Variants in AHDC1 observed in about 807,000 individuals in gnomAD.
AHDC1 encodes the protein AT-hook DNA binding motif containing 1, also known as transcription factor Gibbin.
AHDC1 carries 7 observed loss-of-function variants against 87.9 expected under a neutral mutation model. The ratio of observed to expected loss-of-function variants is 0.08; its 90% CI spans 0.05 to 0.15. The LOEUF (loss-of-function observed/expected upper bound fraction) is 0.15, where lower values mean the gene tolerates loss of function less well. Among genes scored for constraint, AHDC1 ranks in the 10% least tolerant of loss-of-function variants. The pLI, the probability that AHDC1 is intolerant of heterozygous loss-of-function variation, is 1.00. For synonymous variants in AHDC1, 1,051 were observed against 1,006.8 expected, an observed-to-expected ratio of 1.04 and a Z score of -0.83; for missense variants, 1,841 against 2,253.2, an observed-to-expected ratio of 0.82 and a Z score of 3.70.
intron 8 of AHDC1, among the ~76,000 whole-genome samples, chr1:27,535,768 T>C (rs2018611075): frequency 6.6e-6 from 1 of 152,022 alleles, no homozygotes; most frequent in Non-Finnish European, 1.5e-5. Context: ...ACACTCGAGA[T>C]TGGAAGTACC....
At chr1:27,601,256 G>A (rs908110978) in intron 3 of AHDC1, among the ~76,000 whole-genome samples, 1 of 152,232 alleles carries the variant, frequency 6.6e-6, no homozygotes, top group African/African-American at 2.4e-5. Context: ...CGTGGGCTGG[G>A]AGCCCAGGCG....
chr1:27,566,520 C>T (rs1363753683), intron 3 of AHDC1, among the ~76,000 whole-genome samples: 1 of 151,678 alleles, frequency 6.6e-6, no homozygotes, highest in Non-Finnish European at 1.5e-5. Context: ...CACCAGCGAC[C>T]CGGGAGCTGG....
chr1:27,597,164 G>C (rs1230670582), intron 3 of AHDC1, among the ~76,000 whole-genome samples: 2 of 152,310 alleles, frequency 1.3e-5, no homozygotes, highest in Admixed American at 1.3e-4. Context: ...GCAGGTGGCA[G>C]GGGGAGGTTC....
chr1:27,600,572 G>A (rs1173853829), intron 3 of AHDC1, among the ~76,000 whole-genome samples: 1 of 152,164 alleles, frequency 6.6e-6, no homozygotes, highest in Non-Finnish European at 1.5e-5. Context: ...GTCCAATGGG[G>A]AACAGAAGCA....
At position 27,549,787 on chromosome 1, in the gene AHDC1, C is replaced by A; in HGVS notation, c.2329G>T (p.Ala777Ser). The A allele has an allele frequency of 3.1e-6, 5 of 1,613,384 alleles. No homozygotes were observed. The highest frequency in any genetic ancestry group is 3.4e-6 in the Non-Finnish European group (4 of 1,179,962). The change falls in exon 8 of 9, where the codon GCC becomes TCC. Residue 777 changes from alanine to serine, a missense_variant. By Grantham distance (99) the Ala-to-Ser change is moderately conservative. Around this residue, in one of 13 missense-constraint regions of AHDC1, gnomAD observed 236 missense variants for 257.9 expected, o/e 0.92. Transcript: ENST00000673934. Reference sequence around the variant, plus strand: ...CCGCCTGGGTGCCCATGGTGAGGGGCCCAGCCACCACCCTTATCCCCGGCC... The same window carrying A: ...CCGCCTGGGTGCCCATGGTGAGGGGACCAGCCACCACCCTTATCCCCGGCC... Reference protein sequence around the residue: ...EWAGDKGGGWAPHHGHPGGQA... With the variant: ...EWAGDKGGGWSPHHGHPGGQA...
Position 27,560,163 on chromosome 1 carries a change from TG to T in AHDC1, c.-628-1281del, listed in dbSNP as rs1484204157. 1.3e-5 allele frequency among the ~76,000 whole-genome samples: 2 copies of T among 151,866 alleles called. No individual in the cohort carries two copies. The highest frequency in any genetic ancestry group is 3.9e-4 in the East Asian group (2 of 5,184). ...GATTTGGTGTCTTCAGTCATACATGTGGGTATGTGCACTTTTCACGTTTATT... is the reference window on the plus strand; with the variant it reads ...GATTTGGTGTCTTCAGTCATACATGTGGTATGTGCACTTTTCACGTTTATT... On this transcript the variant is annotated intron_variant, in intron 3 of 8. Coordinates refer to ENST00000673934, the MANE Select transcript of AHDC1 (RefSeq NM_001371928.1). This position sits in a 1 kb window ranked among gnomAD's most constrained non-coding sequence, Gnocchi z 4.1.
At chr1:27,543,491 T>C (rs1249800604) in intron 8 of AHDC1, among the ~76,000 whole-genome samples, 1 of 152,206 alleles carries the variant, frequency 6.6e-6, no homozygotes, top group East Asian at 1.9e-4. Flanking sequence ...CTAATCCACA[T>C]TGGGATGTGA....
Position 27,562,897 on chromosome 1 carries a change from G to A in AHDC1, c.-628-4014C>T, listed in dbSNP as rs1330471874. Among the ~76,000 whole-genome samples the A allele has an allele frequency of 6.6e-6, 1 of 152,070 alleles. No homozygotes were observed. The highest frequency in any genetic ancestry group is 1.5e-5 in the Non-Finnish European group (1 of 68,002). On this transcript the variant is annotated intron_variant, in intron 3 of 8. Transcript: ENST00000673934. This position sits in a 1 kb window ranked among gnomAD's most constrained non-coding sequence, Gnocchi z 4.4. Reference sequence around the variant, plus strand: ...ATGGTGACATCTCACACACACAACAGCCAGAGACAGGCGCACAAGTTGGTG... The same window carrying A: ...ATGGTGACATCTCACACACACAACAACCAGAGACAGGCGCACAAGTTGGTG...
Position 27,550,778 on chromosome 1 carries a change from G to A in AHDC1, c.1338C>T (p.Val446=), listed in dbSNP as rs1571240004. 1 of 1,570,568 alleles carries A rather than the reference G, an allele frequency of 6.4e-7. No individual in the cohort carries two copies. The highest frequency in any genetic ancestry group is 1.4e-5 in the African/African-American group (1 of 73,962). ...PPPALPGPGP[V]SVPELKPESS... is the part of the protein sequence containing the mutation. ...ATTCCGGCTTCAACTCTGGGACTGAGACCGGGCCTGGGCCTGGCAGGGCAG... is the reference window on the plus strand; with the variant it reads ...ATTCCGGCTTCAACTCTGGGACTGAAACCGGGCCTGGGCCTGGCAGGGCAG... Residue 446 remains valine, a synonymous_variant, in exon 8 of 9, where the codon GTC becomes GTT. Transcript: ENST00000673934.
rs1331591263 is a variant in AHDC1, at chr1:27,552,072, A to C, written c.44T>G (p.Val15Gly). 1.3e-6 allele frequency: 2 copies of C among 1,496,026 alleles called. No individual in the cohort carries two copies. The highest frequency in any genetic ancestry group is 1.8e-6 in the Non-Finnish European group (2 of 1,123,536). 92.7% of individuals were successfully genotyped at this position (1,496,026 alleles called of 1,614,324 possible). ...CCGGAGGTAGTCAGGAGAGCTGCAC[A>C]CGGCACTGGAAGTCACCACCAGGCC... Reference protein sequence around the residue: ...PQGLVVTSSAVCSSPDYLREP... With the variant: ...PQGLVVTSSAGCSSPDYLREP... Residue 15 changes from valine (V) to glycine (G), a missense_variant, in exon 8 of 9, where the codon GTG becomes GGG. Physicochemically the swap from Val to Gly is moderately radical, Grantham distance 109. This residue lies in a region of AHDC1 where 142 missense variants were observed against 165.6 expected (regional missense o/e 0.86). Transcript: ENST00000673934.
rs1247003470 is a variant in AHDC1, at chr1:27,563,983, G to A, written c.-628-5100C>T. Among the ~76,000 whole-genome samples, 6 of 152,186 alleles carry A rather than the reference G, an allele frequency of 3.9e-5. No individual in the cohort carries two copies. The highest frequency in any genetic ancestry group is 3.3e-4 in the Admixed American group (5 of 15,284). Reference sequence around the variant, plus strand: ...TGCTTAGAGATCAGTGGGGAGTAGGGCGGTTAGGGGTTGCTATCACCATGT... The same window carrying A: ...TGCTTAGAGATCAGTGGGGAGTAGGACGGTTAGGGGTTGCTATCACCATGT... On this transcript the variant is annotated intron_variant, in intron 3 of 8. Coordinates refer to ENST00000673934, the MANE Select transcript of AHDC1 (RefSeq NM_001371928.1). The surrounding 1 kb of genome is among the most constrained non-coding windows in gnomAD (Gnocchi z 6.1).
chr1:27,564,161 G>A (rs542260702), intron 3 of AHDC1, among the ~76,000 whole-genome samples: 1 of 152,256 alleles, frequency 6.6e-6, no homozygotes, highest in East Asian at 1.9e-4. Context: ...CCAGGGAACA[G>A]GCCCAGCCTG....
chr1:27,536,858 C>G (rs888898434), intron 8 of AHDC1, among the ~76,000 whole-genome samples: 4 of 151,690 alleles, frequency 2.6e-5, no homozygotes, highest in African/African-American at 9.7e-5. Context: ...CCCTGCACCC[C>G]CACCCCCACC....
chr1:27,582,023 A>C (rs2088922843), intron 3 of AHDC1, among the ~76,000 whole-genome samples: 1 of 152,162 alleles, frequency 6.6e-6, no homozygotes, highest in African/African-American at 2.4e-5. Flanking sequence ...GGGTCCAGCC[A>C]ACCTCTGAAC....
chr1:27,554,219 G>A (rs1429704942), intron 5 of AHDC1, among the ~76,000 whole-genome samples: 2 of 152,180 alleles, frequency 1.3e-5, no homozygotes, highest in African/African-American at 4.8e-5. Flanking sequence ...ATGTGAAAAG[G>A]GACATTCTCT....
chr1:27,589,554 T>C (rs548026416), intron 3 of AHDC1, among the ~76,000 whole-genome samples: 1 of 152,142 alleles, frequency 6.6e-6, no homozygotes. Flanking sequence ...TGAGGGCACA[T>C]TGTGCTTTTG....
In AHDC1 at chr1:27,598,119, AG is replaced by A. The variant is rs2089426810; in HGVS notation, c.-629+5277del. Among the ~76,000 whole-genome samples the A allele has an allele frequency of 6.6e-6, 1 of 151,836 alleles. No homozygotes were observed. Among genetic ancestry groups the A allele is most frequent in the Admixed American group, 6.5e-5 (1 of 15,278 alleles). On this transcript the variant is annotated intron_variant, in intron 3 of 8. Transcript: ENST00000673934. The surrounding 1 kb of genome is among the most constrained non-coding windows in gnomAD (Gnocchi z 4.2). ...AGGTCAGCAAGGCCTCTCCTGGCTC[AG>A]GGGGTGGGGAGGGGGTGCAGAGCTG...
rs780375879 is a variant in AHDC1 at position 27,565,559 on chromosome 1, C to T, written c.-628-6676G>A. ...CTGGACAAACATTCTGTCTGGTGTCCCCCGGCGCTGGTGAGCAAGGGGCGG... is the reference window on the plus strand; with the variant it reads ...CTGGACAAACATTCTGTCTGGTGTCTCCCGGCGCTGGTGAGCAAGGGGCGG... On this transcript the variant is annotated intron_variant, in intron 3 of 8. Transcript: ENST00000673934. The surrounding 1 kb of genome is among the most constrained non-coding windows in gnomAD (Gnocchi z 4.6). Among the ~76,000 whole-genome samples the T allele has an allele frequency of 1.3e-5, 2 of 152,156 alleles. No homozygotes were observed. Among genetic ancestry groups the T allele is most frequent in the Non-Finnish European group, 2.9e-5 (2 of 68,020 alleles).
rs2076457 is a variant in AHDC1, at chr1:27,549,971, C to A, written c.2145G>T (p.Pro715=). Residue 715 remains proline, a synonymous_variant, in exon 8 of 9, where the codon CCG becomes CCT. Transcript: ENST00000673934. The part of the protein sequence containing the change: ...VAVAAAGVGG[P]GLTELGHPRK... ...GTGGGTGCCCCAACTCAGTAAGGCCCGGGCCCCCGACCCCAGCGGCTGCCA... is the reference window on the plus strand; with the variant it reads ...GTGGGTGCCCCAACTCAGTAAGGCCAGGGCCCCCGACCCCAGCGGCTGCCA... 0.64 allele frequency: 1,027,888 copies of A among 1,609,992 alleles called. 334,263 individuals carry two copies. The highest frequency in any genetic ancestry group is 0.93 in the African/African-American group (69,772 of 74,968).
Sources: gnomAD v4.1 joint callset for allele counts (sites outside exome capture counted in the v4.1 genomes callset) on GRCh38, gnomAD v4.1.1 for gene constraint, gnomAD v4.1.1 regional missense constraint, Gnocchi (gnomAD v3.1) non-coding constraint, MANE v1.5 for transcripts, NCBI Gene and HGNC (gene_info 2026-07-23, HGNC 2026-07-21) for gene names.